The following FARSB variants were observed in gnomAD, a reference collection of about 807,000 sequenced individuals.
FARSB encodes the protein phenylalanyl-tRNA synthetase subunit beta, also known as phenylalanine--tRNA ligase beta subunit.
In FARSB, 40 loss-of-function variants were observed where a neutral mutation model predicts 69.6. The observed-to-expected ratio is 0.57, with a 90% CI of 0.45 to 0.75. FARSB has a LOEUF of 0.75. Among genes scored for constraint, FARSB ranks in the 30% least tolerant of loss-of-function variants. The pLI is 0.00. For synonymous variants in FARSB, 235 were observed against 247.2 expected (o/e 0.95, Z 0.46); for missense variants, 632 against 722.9 (o/e 0.87, Z 1.44).
chr2:222,607,650 A>T (rs78193845), intron 15 of FARSB, among the ~76,000 whole-genome samples: 80 of 149,696 alleles, frequency 5.3e-4, no homozygotes, highest in East Asian at 5.8e-4. Flanking sequence ...TTGGATATTA[A>T]AAAAAAAAAA....
chr2:222,646,420 T>G (rs1055364791), intron 2 of FARSB, among the ~76,000 whole-genome samples: 10 of 152,252 alleles, frequency 6.6e-5, no homozygotes, highest in Non-Finnish European at 1.5e-4. Context: ...GATGTGCTGC[T>G]TCAGGATCTA....
At chr2:222,591,091 G>A (rs756098723) in intron 16 of FARSB, among the ~76,000 whole-genome samples, 6 of 151,688 alleles carry the variant, frequency 4.0e-5, no homozygotes, top group Non-Finnish European at 7.4e-5. Flanking sequence ...CTATAGTCCT[G>A]GCTACCTGGG....
intron 5 of FARSB, among the ~76,000 whole-genome samples, chr2:222,635,169 G>A (rs1691547994): frequency 6.6e-6 from 1 of 152,138 alleles, no homozygotes; most frequent in Non-Finnish European, 1.5e-5. Flanking sequence ...CAACAAAATA[G>A]GAGAGAAAGA....
chr2:222,605,895 C>T (rs556526313), intron 15 of FARSB, among the ~76,000 whole-genome samples: 1 of 152,230 alleles, frequency 6.6e-6, no homozygotes, highest in African/African-American at 2.4e-5. Flanking sequence ...TATGATCATG[C>T]CTGAGTGACA....
chr2:222,648,429 T>G (rs2106244606), intron 2 of FARSB, among the ~76,000 whole-genome samples: 1 of 152,282 alleles, frequency 6.6e-6, no homozygotes, highest in East Asian at 1.9e-4. Flanking sequence ...CTTGGTCCCT[T>G]TCTGTGATTA....
At chr2:222,575,008 A>G (rs1689800946) in intron 16 of FARSB, among the ~76,000 whole-genome samples, 2 of 152,350 alleles carry the variant, frequency 1.3e-5, no homozygotes, top group South Asian at 4.1e-4. Flanking sequence ...GTTCAAACCA[A>G]ACTTTGCAGG....
chr2:222,577,533 C>T (rs572127431), intron 16 of FARSB, among the ~76,000 whole-genome samples: 4 of 152,286 alleles, frequency 2.6e-5, no homozygotes, highest in East Asian at 1.9e-4. Flanking sequence ...GAGCCCATGA[C>T]GCAGCAACAT....
chr2:222,571,891 T>C lies in FARSB; in HGVS notation c.1750A>G (p.Asn584Asp), dbSNP rs1179115421. 1 of 1,612,826 alleles carries C rather than the reference T, an allele frequency of 6.2e-7. No homozygotes were observed. The highest frequency in any genetic ancestry group is 2.2e-5 in the East Asian group (1 of 44,826). The change falls in exon 17 of 17, where the codon AAT (asparagine) becomes GAT (aspartate). Residue 584 changes from asparagine to aspartate, a missense_variant. Physicochemically the swap from Asn to Asp is conservative, Grantham distance 23. Coordinates refer to ENST00000281828, the MANE Select transcript of FARSB (RefSeq NM_005687.5). ...LTMPCSSLEI[N>D]VGPFL ...AATCTTCACAAAAAGGGTCCAACAT[T>C]GATTTCTAGGGAGGAGCAGGGCATG...
intron 16 of FARSB, among the ~76,000 whole-genome samples, chr2:222,576,923 C>T (rs1689852507): frequency 6.6e-6 from 1 of 152,136 alleles, no homozygotes; most frequent in Non-Finnish European, 1.5e-5. Flanking sequence ...TAAAATGAAA[C>T]ACACACTTAT....
At chr2:222,648,862 C>T (rs1691947251) in intron 1 of FARSB, 67 bp from the exon 2 acceptor site, 3 of 1,004,698 alleles carry the variant, frequency 3.0e-6, no homozygotes, top group Non-Finnish European at 4.8e-6. Flanking sequence ...TACATACAAA[C>T]TGCATTTTCT....
intron 15 of FARSB, among the ~76,000 whole-genome samples, chr2:222,603,991 C>A (rs985258185): frequency 5.3e-5 from 8 of 151,814 alleles, no homozygotes; most frequent in Middle Eastern, 3.4e-3. Context: ...CCAAGGCAGG[C>A]GGATCACAAG....
At chr2:222,618,198 C>T (rs1166658960) in intron 14 of FARSB, among the ~76,000 whole-genome samples, 1 of 152,076 alleles carries the variant, frequency 6.6e-6, no homozygotes, top group Non-Finnish European at 1.5e-5. Context: ...ATATATATTA[C>T]CAATTAGTTC....
intron 2 of FARSB, among the ~76,000 whole-genome samples, chr2:222,647,320 C>T (rs765039649): frequency 2.0e-5 from 3 of 152,144 alleles, no homozygotes; most frequent in East Asian, 1.9e-4. Context: ...ACAAATTCTA[C>T]GGAGCCTGGA....
At chr2:222,595,677 G>GA (rs550511247) in intron 16 of FARSB, among the ~76,000 whole-genome samples, 36 of 151,660 alleles carry the variant, frequency 2.4e-4, no homozygotes, top group Middle Eastern at 3.4e-3. Context: ...AGCTAAAGGG[G>GA]AAAAAAAATC....
intron 16 of FARSB, among the ~76,000 whole-genome samples, chr2:222,579,128 A>G (rs1327023071): frequency 1.3e-5 from 2 of 152,172 alleles, no homozygotes; most frequent in African/African-American, 2.4e-5. Context: ...GCACAAGGAG[A>G]TTAGGAGGCT....
At chr2:222,652,035 C>G (rs1692050637) in intron 1 of FARSB, among the ~76,000 whole-genome samples, 1 of 152,214 alleles carries the variant, frequency 6.6e-6, no homozygotes, top group African/African-American at 2.4e-5. Context: ...CCATTTCCGC[C>G]CCTTTGAAGT....
chr2:222,640,200 T>C (rs551931995), intron 4 of FARSB, among the ~76,000 whole-genome samples: 6 of 152,274 alleles, frequency 3.9e-5, no homozygotes, highest in Non-Finnish European at 8.8e-5. Flanking sequence ...TTTAGAAGGG[T>C]AAGCTTTGGA....
chr2:222,619,872 G>A (rs1310030385), intron 13 of FARSB, 135 bp from the exon 14 acceptor site: 1 of 528,568 alleles, frequency 1.9e-6, no homozygotes, highest in African/African-American at 1.9e-5. Flanking sequence ...AATAGGCCTG[G>A]TGTGAGCTGA....
intron 13 of FARSB, among the ~76,000 whole-genome samples, chr2:222,623,197 T>A (rs1238239020): frequency 6.6e-6 from 1 of 152,210 alleles, no homozygotes; most frequent in Non-Finnish European, 1.5e-5. Flanking sequence ...TTAGGCCTTT[T>A]ATGTCAGCTT....
Sources: allele counts gnomAD v4.1 joint callset (sites outside exome capture counted in the v4.1 genomes callset), GRCh38; gene constraint gnomAD v4.1.1; transcripts MANE v1.5; gene names NCBI Gene and HGNC (gene_info 2026-07-23, HGNC 2026-07-21).